The following ADGRV1 variants were observed in gnomAD, a reference collection of about 807,000 sequenced individuals.
ADGRV1 encodes the protein G-protein coupled receptor 98.
A neutral mutation model predicts 596.2 loss-of-function variants in ADGRV1; 359 were observed. The ratio of observed to expected loss-of-function variants is 0.60; its 90% CI spans 0.55 to 0.66. The LOEUF (loss-of-function observed/expected upper bound fraction) is 0.66, where lower values mean the gene tolerates loss of function less well. ADGRV1 is among the 30% of genes least tolerant of loss of function. The pLI, the probability that ADGRV1 is intolerant of heterozygous loss-of-function variation, is 0.00. For missense variants in ADGRV1, 7,274 were observed against 7,575.6 expected (o/e 0.96, Z 1.48); for synonymous variants, 2,681 against 2,679.2 (o/e 1.00, Z -0.02).
At chr5:90,870,161 C>G (rs1452632002) in intron 83 of ADGRV1, among the ~76,000 whole-genome samples, 1 of 152,126 alleles carries the variant, frequency 6.6e-6, no homozygotes, top group Non-Finnish European at 1.5e-5. Flanking sequence ...AAAATAGGTT[C>G]TCTGAGACAG....
chr5:90,651,911 A>T (rs892449895), intron 18 of ADGRV1, among the ~76,000 whole-genome samples, 181 bp downstream of exon 18: 28 of 152,270 alleles, frequency 1.8e-4, no homozygotes, highest in African/African-American at 6.7e-4. Flanking sequence ...TCAAAAAAAA[A>T]AATCTTTTAG....
chr5:90,620,656 A>G (rs1176686209), intron 4 of ADGRV1, among the ~76,000 whole-genome samples: 1 of 151,986 alleles, frequency 6.6e-6, no homozygotes, highest in African/African-American at 2.4e-5. Context: ...GGTGTTTTAG[A>G]CATGAAGTCC....
At chr5:90,851,953 C>G (rs1270217977) in intron 79 of ADGRV1, among the ~76,000 whole-genome samples, 1 of 152,150 alleles carries the variant, frequency 6.6e-6, no homozygotes, top group Non-Finnish European at 1.5e-5. Context: ...GTTCACTGGT[C>G]TCTTCCACAT....
chr5:91,077,982 T>A lies in ADGRV1; in HGVS notation c.18310+5378T>A, dbSNP rs1788995581. On this transcript the variant is annotated intron_variant, in intron 86 of 89. Coordinates refer to ENST00000405460, the MANE Select transcript of ADGRV1 (RefSeq NM_032119.4). The stretch of plus-strand genomic sequence containing the variant: ...AAGAAAGAAAGTAGATGATTACAAA[T>A]CCCCTTCTTCTAAAAATCCCACACA... Among the ~76,000 whole-genome samples the A allele has an allele frequency of 2.0e-5, 3 of 151,992 alleles. No homozygotes were observed. In the South Asian group the frequency reaches 6.2e-4, roughly 31 times the overall value.
At chr5:90,652,656 A>G (rs1561461756) in intron 19 of ADGRV1, 93 bp downstream of exon 19, 2 of 749,350 alleles carry the variant, frequency 2.7e-6, no homozygotes. Flanking sequence ...CATATACAAA[A>G]TGCAATTGGT....
chr5:90,984,836 C>A (rs914875662), intron 84 of ADGRV1, among the ~76,000 whole-genome samples: 22 of 152,322 alleles, frequency 1.4e-4, no homozygotes, highest in African/African-American at 5.1e-4. Flanking sequence ...TTTGTCTACA[C>A]CTTCCACTGG....
At chr5:90,726,653 A>ATGTGTGTG (rs55927110) in intron 48 of ADGRV1, among the ~76,000 whole-genome samples, 45 of 147,692 alleles carry the variant, frequency 3.0e-4, no homozygotes, top group South Asian at 1.5e-3. Context: ...CTCTCTGGGT[A>ATGTGTGTG]TGTGTGTGTG....
At chr5:91,039,374 T>C (rs947120992) in intron 85 of ADGRV1, among the ~76,000 whole-genome samples, 1 of 152,226 alleles carries the variant, frequency 6.6e-6, no homozygotes, top group Admixed American at 6.5e-5. Context: ...GCTCCAGGCC[T>C]ACACGGTCCA....
At position 91,110,328 on chromosome 5, in the gene ADGRV1, T is replaced by C. The variant is rs73771177; in HGVS notation, c.18432+7988T>C. 4.5e-3 allele frequency among the ~76,000 whole-genome samples: 691 copies of C among 152,296 alleles called. 6 individuals carry two copies. Among genetic ancestry groups the C allele is most frequent in the African/African-American group, 0.015 (636 of 41,566 alleles). On this transcript the variant is annotated intron_variant, in intron 87 of 89. Coordinates refer to ENST00000405460, the MANE Select transcript of ADGRV1 (RefSeq NM_032119.4). Reference sequence around the variant, plus strand: ...GTTAAAATATTGAAAATAGCTACTGTCCAAACCTTGCAGGTGTTCCAGGCT... The same window carrying C: ...GTTAAAATATTGAAAATAGCTACTGCCCAAACCTTGCAGGTGTTCCAGGCT...
chr5:90,642,838 G>A lies in ADGRV1; in HGVS notation c.2368-18G>A, dbSNP rs1190485619. On this transcript the variant is annotated intron_variant, in intron 12 of 89. Transcript: ENST00000405460. ...ATGATCTCAAAGGGTTTCAACTTTT[G>A]TGGATTTGTTTTTAAAGGAAGGAGA... 5 of 1,597,176 alleles carry A rather than the reference G, an allele frequency of 3.1e-6. No individual in the cohort carries two copies. The African/African-American group carries it at 5.4e-5, about 17-fold the overall frequency.
intron 83 of ADGRV1, among the ~76,000 whole-genome samples, chr5:90,927,680 G>A (rs1774656128): frequency 6.6e-6 from 1 of 151,836 alleles, no homozygotes; most frequent in Admixed American, 6.6e-5. Flanking sequence ...TCATTATGAT[G>A]TTAGGGGTGA....
At chr5:90,723,912 T>C (rs188013129) in intron 45 of ADGRV1, among the ~76,000 whole-genome samples, 1 of 151,780 alleles carries the variant, frequency 6.6e-6, no homozygotes, top group African/African-American at 2.4e-5. Flanking sequence ...TAGGGGATTT[T>C]TATTTTTGCC....
chr5:91,101,588 A>G (rs1301589844), intron 86 of ADGRV1, among the ~76,000 whole-genome samples: 1 of 152,234 alleles, frequency 6.6e-6, no homozygotes, highest in East Asian at 1.9e-4. Flanking sequence ...AAAGGGTAAT[A>G]AAGTCCCTTG....
chr5:91,035,297 C>T (rs1437306387), intron 85 of ADGRV1, among the ~76,000 whole-genome samples: 3 of 152,184 alleles, frequency 2.0e-5, no homozygotes, highest in Non-Finnish European at 4.4e-5. Flanking sequence ...CCCTTGGTGT[C>T]ACCTTGTCTT....
chr5:90,872,758 A>G (rs2150504817), intron 83 of ADGRV1, among the ~76,000 whole-genome samples: 1 of 152,140 alleles, frequency 6.6e-6, no homozygotes, highest in Middle Eastern at 3.4e-3. Flanking sequence ...TGTTTCCATA[A>G]CCCCTTCTCC....
Position 90,558,925 on chromosome 5 carries a change from A to G in ADGRV1, c.22+8A>G, listed in dbSNP as rs1754419033. ...CGGTGTTCCTGGGGCCAGGTAGGCT[A>G]TGGCTGAGGGGTGGTGCTGCGAGCA... is the stretch of plus-strand genomic sequence containing the variant. On this transcript the variant is annotated splice_region_variant and intron_variant, in intron 1 of 89. Transcript: ENST00000405460. 7 of 1,555,962 alleles carry G rather than the reference A, an allele frequency of 4.5e-6. No individual in the cohort carries two copies. The highest frequency in any genetic ancestry group is 1.2e-5 in the South Asian group (1 of 84,564).
chr5:91,084,060 C>A (rs1267158316), intron 86 of ADGRV1, among the ~76,000 whole-genome samples: 1 of 152,144 alleles, frequency 6.6e-6, no homozygotes, highest in Non-Finnish European at 1.5e-5. Context: ...CCCAGGCCAC[C>A]ATTTTCCTCT....
rs911341480 is a variant in ADGRV1 at position 90,716,499 on chromosome 5, C to T, written c.9217C>T (p.Pro3073Ser). The T allele has an allele frequency of 1.9e-6, 3 of 1,603,466 alleles. No individual in the cohort carries two copies. Among genetic ancestry groups the T allele is most frequent in the African/African-American group, 2.7e-5 (2 of 74,650 alleles). ...LIIVLANDDG[P>S]GVLSFNNSEH... The stretch of plus-strand genomic sequence containing the variant: ...TATTGTCCTTGCTAATGATGACGGC[C>T]CTGGAGTTCTATCATTTAACAACAG... Residue 3073 changes from proline to serine, a missense_variant, in exon 43 of 90, where the codon CCT becomes TCT. Around this residue, in one of 5 missense-constraint regions of ADGRV1, gnomAD observed 3,643 missense variants for 3,809.2 expected, o/e 0.96. Transcript: ENST00000405460.
At chr5:90,830,440 G>A (rs1376127008) in intron 77 of ADGRV1, among the ~76,000 whole-genome samples, 5 of 152,054 alleles carry the variant, frequency 3.3e-5, no homozygotes, top group Non-Finnish European at 7.4e-5. Context: ...TACTACTTTG[G>A]AGAATGGAAG....
Sources: allele counts gnomAD v4.1 joint callset (sites outside exome capture counted in the v4.1 genomes callset), GRCh38; gene constraint gnomAD v4.1.1; regional missense constraint gnomAD v4.1.1; transcripts MANE v1.5; gene names NCBI Gene and HGNC (gene_info 2026-07-23, HGNC 2026-07-21).